AKT3: variants seen among roughly 807,000 people sequenced by gnomAD.
AKT3 encodes the protein RAC-gamma serine/threonine-protein kinase.
Under a neutral mutation model 65.3 loss-of-function variants are expected in AKT3, and 15 were observed. The observed-to-expected ratio is 0.23, with a 90% CI of 0.15 to 0.35. AKT3 has a LOEUF of 0.35. AKT3 is among the 10% of genes least tolerant of loss of function. The pLI, the probability that AKT3 is intolerant of heterozygous loss-of-function variation, is 1.00. For synonymous variants in AKT3, 206 were observed against 183.8 expected, an observed-to-expected ratio of 1.12 and a Z score of -0.98; for missense variants, 243 against 576.5, an observed-to-expected ratio of 0.42 and a Z score of 5.92.
chr1:243,658,111 A>C (rs1681964133), intron 4 of AKT3, among the ~76,000 whole-genome samples: 1 of 152,198 alleles, frequency 6.6e-6, no homozygotes, highest in Non-Finnish European at 1.5e-5. Context: ...GATGAGTAGA[A>C]GTATATCAAA....
chr1:243,612,250 G>T (rs756093145), intron 8 of AKT3, among the ~76,000 whole-genome samples: 22 of 151,832 alleles, frequency 1.4e-4, no homozygotes, highest in Non-Finnish European at 2.4e-4. Flanking sequence ...TGGGAGTACA[G>T]GAGCTGGGTG....
intron 2 of AKT3, among the ~76,000 whole-genome samples, chr1:243,766,717 G>T (rs1689850145): frequency 1.3e-5 from 2 of 152,146 alleles, no homozygotes; most frequent in African/African-American, 4.8e-5. Context: ...TAGGCAACTA[G>T]AGTAGTGAAG....
chr1:243,803,909 G>GA (rs2148374702), intron 2 of AKT3, among the ~76,000 whole-genome samples: 1 of 152,308 alleles, frequency 6.6e-6, no homozygotes, highest in South Asian at 2.1e-4. Flanking sequence ...CATATAACTG[G>GA]TGAGAAGGAG....
intron 2 of AKT3, among the ~76,000 whole-genome samples, chr1:243,791,299 T>C (rs977184165): frequency 2.1e-5 from 3 of 142,624 alleles, no homozygotes; most frequent in African/African-American, 5.2e-5. Context: ...TTTTTTTTTT[T>C]CTCAAGTATT....
chr1:243,777,237 AC>A (rs1690611986), intron 2 of AKT3, among the ~76,000 whole-genome samples: 2 of 152,092 alleles, frequency 1.3e-5, no homozygotes, highest in African/African-American at 2.4e-5. Flanking sequence ...GGAGAGTGCA[AC>A]CTAGATCTGT....
At position 243,489,474 on chromosome 1, in the gene AKT3, T is replaced by C. The variant is rs943205931; in HGVS notation, c.*7-1024A>G. 4.0e-4 allele frequency among the ~76,000 whole-genome samples: 61 copies of C among 152,124 alleles called. 1 individual carries two copies. Among genetic ancestry groups the C allele is most frequent in the Admixed American group, 3.9e-3 (60 of 15,276 alleles). On this transcript the variant is annotated intron_variant, in intron 13 of 13. Coordinates refer to the AKT3 transcript ENST00000336199. ...ACGGCCGTGGGCGGCAGAACAGGCT[T>C]TTTGGAGGATGGTGGCCTTGAGCTG...
chr1:243,713,229 C>T (rs1246518029), intron 2 of AKT3, among the ~76,000 whole-genome samples: 1 of 152,142 alleles, frequency 6.6e-6, no homozygotes, highest in Non-Finnish European at 1.5e-5. Flanking sequence ...CAGTACACAC[C>T]TAACATTAGC....
At chr1:243,776,800 GC>G (rs767708652) in intron 2 of AKT3, among the ~76,000 whole-genome samples, 3 of 152,166 alleles carry the variant, frequency 2.0e-5, no homozygotes, top group Non-Finnish European at 2.9e-5. Context: ...ATGTCTGAGT[GC>G]CTAAATGTAT....
At chr1:243,631,338 G>C (rs1679594749) in intron 6 of AKT3, among the ~76,000 whole-genome samples, 1 of 152,268 alleles carries the variant, frequency 6.6e-6, no homozygotes, top group African/African-American at 2.4e-5. Context: ...TTGAGACGAA[G>C]TCTTGCTCTG....
At chr1:243,777,177 T>C (rs1365488692) in intron 2 of AKT3, among the ~76,000 whole-genome samples, 16 of 152,028 alleles carry the variant, frequency 1.1e-4, no homozygotes, top group African/African-American at 2.4e-5. Flanking sequence ...GGAGTGAAGA[T>C]GGTTTGGGGA....
At chr1:243,648,696 T>C (rs1228214167) in intron 4 of AKT3, among the ~76,000 whole-genome samples, 1 of 152,194 alleles carries the variant, frequency 6.6e-6, no homozygotes, top group Non-Finnish European at 1.5e-5. Context: ...AATAAGGCTG[T>C]CTGGGCTTGG....
At chr1:243,832,826 GTATCTAAACA>G (rs1007807552) in intron 2 of AKT3, among the ~76,000 whole-genome samples, 3 of 152,252 alleles carry the variant, frequency 2.0e-5, no homozygotes, top group African/African-American at 7.2e-5. Flanking sequence ...AAGTATTAGT[GTATCTAAACA>G]TATCTAAACA....
intron 2 of AKT3, among the ~76,000 whole-genome samples, chr1:243,804,323 C>A (rs1264221428): frequency 6.6e-6 from 1 of 152,088 alleles, no homozygotes; most frequent in Non-Finnish European, 1.5e-5. Flanking sequence ...ATTACTGTAA[C>A]AAAACTTTTA....
Position 243,697,119 on chromosome 1 carries a change from C to T in AKT3, c.47-1403G>A, listed in dbSNP as rs115343714. Among the ~76,000 whole-genome samples the T allele has an allele frequency of 5.2e-3, 783 of 151,672 alleles. 9 individuals are homozygous for T. Among genetic ancestry groups the T allele is most frequent in the African/African-American group, 0.018 (739 of 41,402 alleles). On this transcript the variant is annotated intron_variant, in intron 2 of 13. Transcript: ENST00000673466. ...GATTTTTATCTATGTTTACTTTATT[C>T]GAAATTGAAAATAGATTTTATAAAT... is the stretch of plus-strand genomic sequence containing the variant.
intron 13 of AKT3, among the ~76,000 whole-genome samples, chr1:243,489,709 T>C (rs1665899535): frequency 6.6e-6 from 1 of 152,190 alleles, no homozygotes; most frequent in Non-Finnish European, 1.5e-5. Context: ...CGATGCTGAC[T>C]TTATTGTCTT....
intron 12 of AKT3, among the ~76,000 whole-genome samples, chr1:243,520,761 T>A (rs1374236017): frequency 3.9e-5 from 6 of 152,218 alleles, no homozygotes; most frequent in African/African-American, 1.4e-4. Flanking sequence ...GTTCAAGACA[T>A]CAATTTCATC....
chr1:243,613,581 A>G, intron 8 of AKT3, 90 bp downstream of exon 8: 1 of 952,662 alleles, frequency 1.0e-6, no homozygotes, highest in South Asian at 2.3e-5. Flanking sequence ...AGAAATGGAG[A>G]ACTGCTATAT....
chr1:243,628,004 A>G (rs188852569), intron 6 of AKT3, among the ~76,000 whole-genome samples: 3 of 152,300 alleles, frequency 2.0e-5, no homozygotes, highest in African/African-American at 7.2e-5. Flanking sequence ...TGCAACTCAG[A>G]CTGGAGCTTA....
chr1:243,806,950 A>G (rs982678708), intron 2 of AKT3, among the ~76,000 whole-genome samples: 1 of 152,202 alleles, frequency 6.6e-6, no homozygotes, highest in African/African-American at 2.4e-5. Context: ...CAATTTCCCT[A>G]TAATTCATAA....
Sources: allele counts gnomAD v4.1 joint callset (sites outside exome capture counted in the v4.1 genomes callset), GRCh38; gene constraint gnomAD v4.1.1; transcripts MANE v1.5; gene names NCBI Gene and HGNC (gene_info 2026-07-23, HGNC 2026-07-21).